The following RAB38 variants were observed in gnomAD, a reference collection of about 807,000 sequenced individuals.
RAB38 encodes ras-related protein Rab-38.
A neutral mutation model predicts 18.4 loss-of-function variants in RAB38; 15 were observed. That is an observed-to-expected ratio of 0.82 (90% CI 0.55 to 1.26). The LOEUF (loss-of-function observed/expected upper bound fraction) is 1.26. RAB38 is among the 50% of genes most tolerant of loss of function. RAB38 has a pLI of 0.00. For missense variants in RAB38, 294 were observed against 267.4 expected, an observed-to-expected ratio of 1.10 and a Z score of -0.69; for synonymous variants, 101 against 104.4, an observed-to-expected ratio of 0.97 and a Z score of 0.20.
At chr11:87,828,334 G>A in the RAB38 span, among the ~76,000 whole-genome samples, 7 of 151,960 alleles carry the variant, frequency 4.6e-5, no homozygotes, top group Admixed American at 2.6e-4. Flanking sequence ...TAAGAACTTT[G>A]TCATGTTTAC....
the RAB38 span, among the ~76,000 whole-genome samples, chr11:87,925,771 A>G: frequency 5.9e-5 from 9 of 152,148 alleles, no homozygotes; most frequent in South Asian, 8.3e-4. Flanking sequence ...AAGTTATCCA[A>G]TTATAGGATG....
chr11:87,932,216 A>T, the RAB38 span, among the ~76,000 whole-genome samples: 1 of 152,036 alleles, frequency 6.6e-6, no homozygotes, highest in Admixed American at 6.6e-5. Flanking sequence ...AGGTACAGCA[A>T]ACCACCATGG....
chr11:87,828,369 A>C, the RAB38 span, among the ~76,000 whole-genome samples: 1 of 152,158 alleles, frequency 6.6e-6, no homozygotes, highest in African/African-American at 2.4e-5. Flanking sequence ...ATTTCCATCA[A>C]GATATTTTAA....
chr11:87,847,413 A>G, the RAB38 span, among the ~76,000 whole-genome samples: 36 of 152,152 alleles, frequency 2.4e-4, no homozygotes, highest in Admixed American at 2.4e-3. Context: ...CAGATTTCTT[A>G]AGACATAACT....
At chr11:88,027,941 C>T in the RAB38 span, among the ~76,000 whole-genome samples, 4 of 152,104 alleles carry the variant, frequency 2.6e-5, no homozygotes, top group South Asian at 4.1e-4. Flanking sequence ...GGGTCCCTGA[C>T]CCATGACCCC....
At chr11:88,031,676 T>G in the RAB38 span, among the ~76,000 whole-genome samples, 1 of 150,984 alleles carries the variant, frequency 6.6e-6, no homozygotes, top group Admixed American at 6.6e-5. Flanking sequence ...TTACAAGGGA[T>G]GTGAAGGACC....
chr11:88,038,350 A>G, the RAB38 span, among the ~76,000 whole-genome samples: 8 of 152,218 alleles, frequency 5.3e-5, no homozygotes, highest in South Asian at 2.1e-4. Context: ...TCCAGACCAC[A>G]TCGCAATTGC....
At chr11:87,923,794 A>C in the RAB38 span, among the ~76,000 whole-genome samples, 1 of 151,916 alleles carries the variant, frequency 6.6e-6, no homozygotes, top group Non-Finnish European at 1.5e-5. Flanking sequence ...GGCTCATTTA[A>C]TTCTTATGGG....
chr11:87,846,022 A>G, the RAB38 span, among the ~76,000 whole-genome samples: 1 of 152,144 alleles, frequency 6.6e-6, no homozygotes, highest in African/African-American at 2.4e-5. Context: ...TATAGGAACG[A>G]TAAAAGAAAT....
the RAB38 span, among the ~76,000 whole-genome samples, chr11:87,942,823 C>T: frequency 2.0e-5 from 3 of 152,138 alleles, no homozygotes; most frequent in African/African-American, 7.2e-5. Flanking sequence ...GTATGTCCTC[C>T]AGATGATTCT....
the RAB38 span, among the ~76,000 whole-genome samples, chr11:87,949,225 A>C: frequency 5.3e-5 from 8 of 152,104 alleles, no homozygotes; most frequent in Non-Finnish European, 1.0e-4. Context: ...TCTGTGGGAT[A>C]GGTGGTGATA....
chr11:87,976,357 T>C, the RAB38 span, among the ~76,000 whole-genome samples: 13 of 142,174 alleles, frequency 9.1e-5, no homozygotes, highest in African/African-American at 2.0e-4. Context: ...AAAATATAAA[T>C]ATAAAAAATA....
the RAB38 span, among the ~76,000 whole-genome samples, chr11:88,008,123 C>G: frequency 6.6e-6 from 1 of 152,120 alleles, no homozygotes; most frequent in African/African-American, 2.4e-5. Flanking sequence ...AGAAAAAATT[C>G]TATGTTGTGA....
At chr11:87,937,351 T>TATATATATATATATATATATATA in the RAB38 span, among the ~76,000 whole-genome samples, 1 of 112,108 alleles carries the variant, frequency 8.9e-6, no homozygotes, top group Non-Finnish European at 2.0e-5. Context: ...TATATATATA[T>TATATATATATATATATATATATA]CATAATTCTA....
chr11:87,842,343 T>C, the RAB38 span, among the ~76,000 whole-genome samples: 2 of 152,090 alleles, frequency 1.3e-5, no homozygotes, highest in African/African-American at 4.8e-5. Flanking sequence ...GATTTTAAAA[T>C]GTATGTGCTG....
chr11:87,924,126 G>A, the RAB38 span, among the ~76,000 whole-genome samples: 1 of 152,016 alleles, frequency 6.6e-6, no homozygotes, highest in South Asian at 2.1e-4. Flanking sequence ...TAACACACCT[G>A]TAAGAAGGAC....
the RAB38 span, among the ~76,000 whole-genome samples, chr11:87,825,796 T>C: frequency 1.3e-5 from 2 of 152,088 alleles, no homozygotes; most frequent in East Asian, 1.9e-4. Context: ...CAAGAGGTGA[T>C]TGACTCTTTC....
the RAB38 span, among the ~76,000 whole-genome samples, chr11:88,004,796 A>C: frequency 6.6e-6 from 1 of 151,416 alleles, no homozygotes; most frequent in Non-Finnish European, 1.5e-5. Flanking sequence ...GTCAGGTCTC[A>C]GGATAAGGGT....
the RAB38 span, chr11:88,062,018 T>C: frequency 6.6e-6 from 1 of 152,182 alleles, no homozygotes; most frequent in Admixed American, 6.5e-5. Context: ...ATCTTTTTTT[T>C]TTACTAGCTA....
Sources: gnomAD v4.1 joint callset for allele counts (sites outside exome capture counted in the v4.1 genomes callset) on GRCh38, gnomAD v4.1.1 for gene constraint, MANE v1.5 for transcripts, NCBI Gene and HGNC (gene_info 2026-07-23, HGNC 2026-07-21) for gene names.